The following KCNG3 variants were observed in gnomAD, a reference collection of about 807,000 sequenced individuals.
The protein encoded by KCNG3 is potassium voltage-gated channel modifier subfamily G member 3.
KCNG3 carries 15 observed loss-of-function variants against 29.0 expected under a neutral mutation model. The observed-to-expected ratio is 0.52, with a 90% CI of 0.35 to 0.80. KCNG3 has a LOEUF of 0.80. Ranked by LOEUF, KCNG3 falls within the 30% of genes least tolerant of loss-of-function variation. The pLI, the probability that KCNG3 is intolerant of heterozygous loss-of-function variation, is 0.01. For missense variants in KCNG3, 512 were observed against 605.7 expected (o/e 0.85, Z 1.62); for synonymous variants, 322 against 248.9 (o/e 1.29, Z -2.76).
At chr2:42,411,178 T>C in the KCNG3 span, among the ~76,000 whole-genome samples, 1 of 152,186 alleles carries the variant, frequency 6.6e-6, no homozygotes, top group Non-Finnish European at 1.5e-5. Flanking sequence ...CTGTTTTCAT[T>C]TTTGAGGGCT....
the KCNG3 span, among the ~76,000 whole-genome samples, chr2:42,417,264 TTTTGCATTTAAAAAATA>T: frequency 3.3e-5 from 5 of 152,232 alleles, no homozygotes; most frequent in Admixed American, 1.3e-4. Context: ...AAATAATTTT[TTTTGCATTTAAAAAATA>T]TTTGCATTTT....
At chr2:42,471,871 G>A (rs1572856548) in intron 1 of KCNG3, among the ~76,000 whole-genome samples, 2 of 126,830 alleles carry the variant, frequency 1.6e-5, no homozygotes, top group Admixed American at 9.4e-5. Context: ...GTGACACAGC[G>A]AGACCCTGTA....
intron 1 of KCNG3, among the ~76,000 whole-genome samples, chr2:42,466,926 T>C (rs1190411555): frequency 1.3e-5 from 2 of 151,924 alleles, no homozygotes; most frequent in Non-Finnish European, 2.9e-5. Context: ...CTAATTTTTG[T>C]ATTTTAAGTA....
At chr2:42,449,587 G>A (rs1260700387) in intron 1 of KCNG3, among the ~76,000 whole-genome samples, 4 of 142,936 alleles carry the variant, frequency 2.8e-5, no homozygotes, top group East Asian at 4.1e-4. Context: ...GTACGATGTT[G>A]GCTCACTGCA....
chr2:42,465,010 T>C (rs1259273413), intron 1 of KCNG3, among the ~76,000 whole-genome samples: 1 of 152,138 alleles, frequency 6.6e-6, no homozygotes, highest in Non-Finnish European at 1.5e-5. Flanking sequence ...AATTTAATCA[T>C]TAGAGAGTTC....
chr2:42,425,157 G>C, the KCNG3 span: 1 of 151,522 alleles, frequency 6.6e-6, no homozygotes, highest in Admixed American at 6.6e-5. Context: ...GGGGGCAGCT[G>C]CTCCACCGGT....
chr2:42,416,290 A>T, the KCNG3 span, among the ~76,000 whole-genome samples: 1 of 152,316 alleles, frequency 6.6e-6, no homozygotes, highest in East Asian at 1.9e-4. Flanking sequence ...CAAGATGACT[A>T]GAGTTAACAA....
the KCNG3 span, among the ~76,000 whole-genome samples, chr2:42,434,742 A>T: frequency 1.3e-5 from 2 of 151,322 alleles, no homozygotes; most frequent in African/African-American, 4.9e-5. Context: ...ACAAAGATAC[A>T]ATCTTTTGTT....
the KCNG3 span, among the ~76,000 whole-genome samples, chr2:42,425,825 G>C: frequency 2.6e-5 from 4 of 152,190 alleles, no homozygotes; most frequent in Non-Finnish European, 5.9e-5. Flanking sequence ...ACAGCCAGGA[G>C]ACACCTTTGT....
At chr2:42,438,650 G>A (rs191756122), downstream of KCNG3, among the ~76,000 whole-genome samples, 1 of 152,314 alleles carries the variant, frequency 6.6e-6, no homozygotes, top group Admixed American at 6.5e-5. Flanking sequence ...GTAGTAAACT[G>A]ACAATTGAGC....
At chr2:42,432,674 G>A in the KCNG3 span, among the ~76,000 whole-genome samples, 1 of 152,074 alleles carries the variant, frequency 6.6e-6, no homozygotes, top group South Asian at 2.1e-4. Flanking sequence ...ATATCTTTAG[G>A]CAAGTGAACA....
chr2:42,488,967 G>A (rs1311875880), intron 1 of KCNG3, among the ~76,000 whole-genome samples: 1 of 152,032 alleles, frequency 6.6e-6, no homozygotes, highest in African/African-American at 2.4e-5. Context: ...CGGTAGTGGA[G>A]AAATGACAAC....
intron 1 of KCNG3, among the ~76,000 whole-genome samples, chr2:42,490,381 G>A (rs1184776627): frequency 6.6e-6 from 1 of 151,998 alleles, no homozygotes; most frequent in Non-Finnish European, 1.5e-5. Flanking sequence ...TTCGAGACCA[G>A]TCTGACCAAC....
At chr2:42,465,756 T>G (rs985410379) in intron 1 of KCNG3, among the ~76,000 whole-genome samples, 1 of 152,198 alleles carries the variant, frequency 6.6e-6, no homozygotes, top group African/African-American at 2.4e-5. Context: ...GTATCCAGAT[T>G]GTACAAAGAA....
intron 1 of KCNG3, among the ~76,000 whole-genome samples, chr2:42,488,368 T>C (rs1340490031): frequency 6.6e-6 from 1 of 152,014 alleles, no homozygotes; most frequent in East Asian, 1.9e-4. Flanking sequence ...AAATAATTGT[T>C]CCTTGATTTT....
At chr2:42,492,198 G>C (rs1018872195) in intron 1 of KCNG3, among the ~76,000 whole-genome samples, 7 of 152,160 alleles carry the variant, frequency 4.6e-5, no homozygotes, top group Non-Finnish European at 1.0e-4. Context: ...CCCTCTGAAA[G>C]TCGCAGTGTG....
intron 1 of KCNG3, among the ~76,000 whole-genome samples, chr2:42,480,032 A>G (rs966788283): frequency 6.6e-6 from 1 of 152,116 alleles, no homozygotes; most frequent in Non-Finnish European, 1.5e-5. Context: ...GAAAACAAAA[A>G]CAAACAAACA....
chr2:42,475,507 T>A (rs1673402412), intron 1 of KCNG3, among the ~76,000 whole-genome samples: 2 of 151,916 alleles, frequency 1.3e-5, no homozygotes, highest in Admixed American at 1.3e-4. Flanking sequence ...TCTTTTATTT[T>A]TTTGTAGACA....
chr2:42,459,649 G>A (rs1672967366), intron 1 of KCNG3, among the ~76,000 whole-genome samples: 1 of 152,162 alleles, frequency 6.6e-6, no homozygotes, highest in Non-Finnish European at 1.5e-5. Context: ...GGTGCATAAA[G>A]ATAAACTAAA....
Sources: gnomAD v4.1 joint callset for allele counts (sites outside exome capture counted in the v4.1 genomes callset) on GRCh38, gnomAD v4.1.1 for gene constraint, MANE v1.5 for transcripts, NCBI Gene and HGNC (gene_info 2026-07-23, HGNC 2026-07-21) for gene names.